SKIC3: variants seen among roughly 807,000 people sequenced by gnomAD.
SKIC3 encodes the protein superkiller complex protein 3.
the SKIC3 span, among the ~76,000 whole-genome samples, chr5:95,477,593 T>C: frequency 5.9e-5 from 9 of 152,176 alleles, no homozygotes; most frequent in Non-Finnish European, 1.3e-4. Context: ...TCCTCTACTA[T>C]CCTTTAAAAC....
the SKIC3 span, among the ~76,000 whole-genome samples, chr5:95,478,137 C>T: frequency 2.0e-5 from 3 of 152,252 alleles, no homozygotes; most frequent in African/African-American, 7.2e-5. Flanking sequence ...CTATGTCCAT[C>T]ACAAACCCAA....
At chr5:95,524,932 G>A in the SKIC3 span, among the ~76,000 whole-genome samples, 1 of 151,946 alleles carries the variant, frequency 6.6e-6, no homozygotes, top group South Asian at 2.1e-4. Flanking sequence ...CATCCAGGCT[G>A]GAGTACAGTG....
chr5:95,486,881 C>T, the SKIC3 span, among the ~76,000 whole-genome samples: 1 of 152,102 alleles, frequency 6.6e-6, no homozygotes, highest in Non-Finnish European at 1.5e-5. Flanking sequence ...ACGTGTGCTG[C>T]CCAGGGACTC....
chr5:95,464,592 TA>T, the SKIC3 span: 1 of 1,598,342 alleles, frequency 6.3e-7, no homozygotes, highest in Non-Finnish European at 8.6e-7. Context: ...TTCCTTACTA[TA>T]AAATAATCCA....
chr5:95,525,621 T>C, the SKIC3 span: 18 of 1,613,920 alleles, frequency 1.1e-5, no homozygotes, highest in African/African-American at 6.7e-5. Flanking sequence ...TTTGTTCCGA[T>C]AGGCCAAGCT....
the SKIC3 span, among the ~76,000 whole-genome samples, chr5:95,500,465 C>G: frequency 7.9e-5 from 12 of 152,036 alleles, no homozygotes; most frequent in Non-Finnish European, 1.8e-4. Context: ...TTGTTGTATC[C>G]CCCCTTCTTT....
chr5:95,546,068 T>G, the SKIC3 span, among the ~76,000 whole-genome samples: 1 of 152,104 alleles, frequency 6.6e-6, no homozygotes, highest in Non-Finnish European at 1.5e-5. Context: ...TCATTTCTCA[T>G]TCCTCTTTAC....
the SKIC3 span, chr5:95,536,445 A>T: frequency 8.3e-6 from 2 of 241,930 alleles, no homozygotes; most frequent in East Asian, 2.3e-4. Context: ...TAACAAGCAA[A>T]CCTATTTTAC....
chr5:95,514,820 C>T, the SKIC3 span: 6 of 1,600,688 alleles, frequency 3.7e-6, no homozygotes, highest in South Asian at 1.1e-5. Flanking sequence ...TTGATATCAA[C>T]AAGCTTATTA....
At chr5:95,495,035 G>A in the SKIC3 span, 1 of 1,612,230 alleles carries the variant, frequency 6.2e-7, no homozygotes, top group South Asian at 1.1e-5. Context: ...AGAAAATATT[G>A]ATGATTTATA....
the SKIC3 span, chr5:95,506,969 G>A: frequency 1.9e-6 from 3 of 1,613,024 alleles, no homozygotes; most frequent in East Asian, 6.7e-5. Flanking sequence ...TTGCAACATT[G>A]TAAGTATCTT....
the SKIC3 span, among the ~76,000 whole-genome samples, chr5:95,500,424 A>G: frequency 2.0e-5 from 3 of 152,208 alleles, no homozygotes; most frequent in African/African-American, 7.2e-5. Flanking sequence ...TCAAAATAAT[A>G]TCTGACACTG....
the SKIC3 span, chr5:95,541,450 T>G: frequency 7.2e-7 from 1 of 1,392,568 alleles, no homozygotes; most frequent in African/African-American, 1.4e-5. Context: ...ACCAAGGACT[T>G]AAAACACTAA....
At chr5:95,550,143 A>C in the SKIC3 span, among the ~76,000 whole-genome samples, 2 of 151,968 alleles carry the variant, frequency 1.3e-5, no homozygotes, top group Non-Finnish European at 2.9e-5. Flanking sequence ...CTACCAACCC[A>C]AAATATTTTT....
At chr5:95,509,502 C>A in the SKIC3 span, 2 of 969,464 alleles carry the variant, frequency 2.1e-6, no homozygotes, top group South Asian at 1.4e-5. Flanking sequence ...TGGCTTCACC[C>A]GGTTCTCCCA....
At chr5:95,522,452 T>A in the SKIC3 span, 11 of 977,438 alleles carry the variant, frequency 1.1e-5, no homozygotes, top group African/African-American at 1.8e-4. Context: ...CAGATAAATT[T>A]GTTCCTTTTA....
At chr5:95,520,828 G>C in the SKIC3 span, 7 of 1,589,164 alleles carry the variant, frequency 4.4e-6, no homozygotes, top group South Asian at 7.7e-5. Flanking sequence ...CCTAAAATCA[G>C]GTAAGTTTGT....
the SKIC3 span, among the ~76,000 whole-genome samples, chr5:95,499,218 G>T: frequency 1.3e-5 from 2 of 152,248 alleles, no homozygotes; most frequent in Non-Finnish European, 2.9e-5. Context: ...TTGGCGGTGG[G>T]TCTAGTGGGA....
At chr5:95,498,850 C>T in the SKIC3 span, among the ~76,000 whole-genome samples, 7 of 152,202 alleles carry the variant, frequency 4.6e-5, no homozygotes, top group African/African-American at 7.2e-5. Flanking sequence ...TGGTCTCAAT[C>T]TCCTGACCTC....
Sources: allele counts gnomAD v4.1 joint callset (sites outside exome capture counted in the v4.1 genomes callset), GRCh38; gene constraint gnomAD v4.1.1; transcripts MANE v1.5; gene names NCBI Gene and HGNC (gene_info 2026-07-23, HGNC 2026-07-21).